ABR: variants seen among roughly 807,000 people sequenced by gnomAD.
ABR encodes active breakpoint cluster region-related protein.
ABR carries 35 observed loss-of-function variants against 107.2 expected under a neutral mutation model. That is an observed-to-expected ratio of 0.33 (90% CI 0.25 to 0.43). ABR has a LOEUF of 0.43. ABR is among the 20% of genes least tolerant of loss of function. The pLI is 1.00. For missense variants in ABR, 815 were observed against 1,115.2 expected (o/e 0.73, Z 3.83); for synonymous variants, 498 against 462.0 (o/e 1.08, Z -1.00).
chr17:1,080,613 G>T (rs1033652622), intron 5 of ABR, among the ~76,000 whole-genome samples: 3 of 151,878 alleles, frequency 2.0e-5, no homozygotes, highest in Non-Finnish European at 2.9e-5. Flanking sequence ...AGGTGATGAG[G>T]CCAAGGTCAG....
chr17:1,083,776 G>A, intron 4 of ABR, 149 bp from the exon 5 acceptor site: 1 of 672,930 alleles, frequency 1.5e-6, no homozygotes, highest in South Asian at 1.6e-5. Context: ...ACGCAGGGAT[G>A]AACATATTAC....
intron 10 of ABR, among the ~76,000 whole-genome samples, chr17:1,062,216 G>C (rs190931712): frequency 7.1e-6 from 1 of 140,640 alleles, no homozygotes; most frequent in Non-Finnish European, 1.6e-5. Context: ...TGAGGGCTAT[G>C]CATGTTCCTC....
At chr17:1,222,767 C>T (rs1005721207) in intron 1 of ABR, among the ~76,000 whole-genome samples, 6 of 151,906 alleles carry the variant, frequency 3.9e-5, no homozygotes, top group African/African-American at 9.7e-5. Flanking sequence ...AAAAATTAGC[C>T]GGCTCGTGGC....
chr17:1,149,688 G>C (rs1219996153), intron 1 of ABR, among the ~76,000 whole-genome samples: 1 of 152,098 alleles, frequency 6.6e-6, no homozygotes, highest in Non-Finnish European at 1.5e-5. Flanking sequence ...AAGTGCTGGG[G>C]TTACAGGCGT....
intron 21 of ABR, 151 bp downstream of exon 21, chr17:1,009,528 G>A (rs333653): frequency 0.46 from 296,942 of 647,354 alleles, 69,724 homozygotes; most frequent in Non-Finnish European, 0.49. Flanking sequence ...GGAGGCCAGC[G>A]CCCACGAGGA....
Position 1,014,869 on chromosome 17 carries a change from A to T in ABR, c.1792-1705T>A, listed in dbSNP as rs567947706. Among the ~76,000 whole-genome samples the T allele has an allele frequency of 3.9e-5, 6 of 152,024 alleles. No homozygotes were observed. The South Asian group carries it at 1.2e-3, about 32-fold the overall frequency. On this transcript the variant is annotated intron_variant, in intron 16 of 22. Transcript: ENST00000302538. Reference sequence around the variant, plus strand: ...TCAAAAAAAACAACAACAACAAAAAACTACACAAACAAGCTCTTCTTTCCC... The same window carrying T: ...TCAAAAAAAACAACAACAACAAAAATCTACACAAACAAGCTCTTCTTTCCC...
intron 13 of ABR, among the ~76,000 whole-genome samples, chr17:1,056,564 C>T (rs2033299736): frequency 6.6e-6 from 1 of 152,124 alleles, no homozygotes; most frequent in Non-Finnish European, 1.5e-5. Flanking sequence ...AGTTCCCAGC[C>T]CTGATCACAG....
upstream of ABR, among the ~76,000 whole-genome samples, chr17:1,191,104 C>T (rs766825149): frequency 1.3e-5 from 2 of 152,200 alleles, no homozygotes; most frequent in Non-Finnish European, 2.9e-5. Flanking sequence ...TGCTGGGGGC[C>T]TGTGCCCAGG....
chr17:1,209,025 G>A (rs949554558), intron 1 of ABR, among the ~76,000 whole-genome samples: 1 of 152,206 alleles, frequency 6.6e-6, no homozygotes, highest in African/African-American at 2.4e-5. Flanking sequence ...TACACTGAAG[G>A]CTCCTGAAGC....
chr17:1,139,650 A>T (rs182607205), intron 1 of ABR, among the ~76,000 whole-genome samples: 1 of 151,970 alleles, frequency 6.6e-6, no homozygotes, highest in Non-Finnish European at 1.5e-5. Flanking sequence ...TACCATTATG[A>T]CTCATTTACA....
chr17:1,082,862 T>G (rs1305784683), intron 5 of ABR, among the ~76,000 whole-genome samples: 1 of 152,158 alleles, frequency 6.6e-6, no homozygotes, highest in Non-Finnish European at 1.5e-5. Flanking sequence ...CTGGACTCAG[T>G]GGCTCGCACC....
intron 2 of ABR, among the ~76,000 whole-genome samples, chr17:1,108,592 G>A (rs1198629070): frequency 1.3e-5 from 2 of 152,278 alleles, no homozygotes; most frequent in Non-Finnish European, 2.9e-5. Context: ...GGAAGAGGGT[G>A]GCCCCTCTCT....
At chr17:1,031,481 G>T in intron 16 of ABR, 1 of 682,880 alleles carries the variant, frequency 1.5e-6, no homozygotes, top group Non-Finnish European at 2.1e-6. Context: ...TCTGTCCCGG[G>T]ACTCCACGGA....
At position 1,108,831 on chromosome 17, in the gene ABR, C is replaced by T. The variant is rs942317111; in HGVS notation, c.247-8096G>A. 3.9e-6 allele frequency: 5 copies of T among 1,281,308 alleles called. No homozygotes were observed. The African/African-American group carries it at 8.3e-5, about 21-fold the overall frequency. The allele number at this position is 1,281,308 out of a possible 1,614,324, so 79.4% of individuals were successfully genotyped here. On this transcript the variant is annotated intron_variant, in intron 2 of 22. Transcript: ENST00000302538. ...GCCGGGACCCTCCGCCGAGGGCTTCCACCCGGCCGCGCGCTCTGCGCCCGC... is the reference window on the plus strand; with the variant it reads ...GCCGGGACCCTCCGCCGAGGGCTTCTACCCGGCCGCGCGCTCTGCGCCCGC...
At chr17:1,153,067 C>T (rs770572871) in intron 1 of ABR, among the ~76,000 whole-genome samples, 3 of 151,842 alleles carry the variant, frequency 2.0e-5, no homozygotes, top group Non-Finnish European at 2.9e-5. Context: ...AGTGAAACTC[C>T]GTTAAAAAAA....
upstream of ABR, among the ~76,000 whole-genome samples, chr17:1,184,244 A>G (rs1422863948): frequency 6.6e-6 from 1 of 152,020 alleles, no homozygotes; most frequent in Admixed American, 6.5e-5. Context: ...TCACGAAGTC[A>G]GGAGATCGAG....
intron 1 of ABR, among the ~76,000 whole-genome samples, chr17:1,186,105 G>A (rs1276017022): frequency 6.6e-6 from 1 of 152,206 alleles, no homozygotes; most frequent in Non-Finnish European, 1.5e-5. Flanking sequence ...CCAAAGTGCT[G>A]GGATTACAGG....
At chr17:1,144,941 C>T (rs1407442479) in intron 1 of ABR, among the ~76,000 whole-genome samples, 1 of 152,052 alleles carries the variant, frequency 6.6e-6, no homozygotes, top group Non-Finnish European at 1.5e-5. Flanking sequence ...ATCACTTGAA[C>T]CCAGGAGGTG....
Position 1,011,808 on chromosome 17 carries a change from A to G in ABR, c.2101+38T>C, listed in dbSNP as rs2070578148. On this transcript the variant is annotated intron_variant, in intron 19 of 22. Coordinates refer to ENST00000302538, the MANE Select transcript of ABR (RefSeq NM_021962.5). This position sits in a 1 kb window ranked among gnomAD's most constrained non-coding sequence, Gnocchi z 4.8. ...GTCCATCCCACCAGCCTGCTCAGAC[A>G]CAGCCACACCTGCCCCGGCTGGGCC... 6.5e-7 allele frequency: 1 copy of G among 1,540,962 alleles called. No individual in the cohort carries two copies. Among genetic ancestry groups the G allele is most frequent in the East Asian group, 2.3e-5 (1 of 43,972 alleles).
Sources: allele counts gnomAD v4.1 joint callset (sites outside exome capture counted in the v4.1 genomes callset), GRCh38; gene constraint gnomAD v4.1.1; non-coding constraint Gnocchi (gnomAD v3.1); transcripts MANE v1.5; gene names NCBI Gene and HGNC (gene_info 2026-07-23, HGNC 2026-07-21).